GRM7: variants seen among roughly 807,000 people sequenced by gnomAD.
GRM7 encodes glutamate metabotropic receptor 7, also known as metabotropic glutamate receptor 7.
GRM7 carries 35 observed loss-of-function variants against 84.5 expected under a neutral mutation model. That is an observed-to-expected ratio of 0.41 (90% CI 0.32 to 0.55). The LOEUF (loss-of-function observed/expected upper bound fraction) is 0.55. GRM7 is among the 20% of genes least tolerant of loss of function. The pLI is 0.19. For missense variants in GRM7, 1,003 were observed against 1,194.6 expected, an observed-to-expected ratio of 0.84 and a Z score of 2.36; for synonymous variants, 487 against 455.1, an observed-to-expected ratio of 1.07 and a Z score of -0.89.
chr3:7,711,055 A>T (rs1364429379), intron 9 of GRM7, among the ~76,000 whole-genome samples: 1 of 152,206 alleles, frequency 6.6e-6, no homozygotes, highest in Non-Finnish European at 1.5e-5. Flanking sequence ...TGTTTCATTT[A>T]TTCAACCCAT....
intron 1 of GRM7, among the ~76,000 whole-genome samples, chr3:7,038,807 C>G (rs1363826655): frequency 6.6e-6 from 1 of 152,154 alleles, no homozygotes; most frequent in Non-Finnish European, 1.5e-5. Context: ...ATAACGTTTT[C>G]AAGGGGCTTG....
intron 2 of GRM7, among the ~76,000 whole-genome samples, chr3:7,185,509 A>G (rs1559491100): frequency 6.6e-6 from 1 of 152,112 alleles, no homozygotes; most frequent in African/African-American, 2.4e-5. Flanking sequence ...ATCTATATGG[A>G]CCTATTAATT....
intron 4 of GRM7, among the ~76,000 whole-genome samples, chr3:7,359,180 A>G (rs1238222197): frequency 7.0e-6 from 1 of 142,578 alleles, no homozygotes; most frequent in Non-Finnish European, 1.5e-5. Context: ...TTATTTTAAA[A>G]TAACTTCTTT....
chr3:7,180,362 A>T (rs1384337636), intron 2 of GRM7, among the ~76,000 whole-genome samples: 3 of 152,180 alleles, frequency 2.0e-5, no homozygotes, highest in Non-Finnish European at 4.4e-5. Context: ...CAGGAGGCTC[A>T]TACTTCTTAC....
At chr3:7,622,318 A>G (rs1697397810) in intron 8 of GRM7, among the ~76,000 whole-genome samples, 1 of 152,076 alleles carries the variant, frequency 6.6e-6, no homozygotes, top group Non-Finnish European at 1.5e-5. Flanking sequence ...CTATGTTGTG[A>G]TGCCTTTTCT....
At chr3:7,069,709 G>A (rs1420233605) in intron 1 of GRM7, among the ~76,000 whole-genome samples, 1 of 152,054 alleles carries the variant, frequency 6.6e-6, no homozygotes, top group Non-Finnish European at 1.5e-5. Context: ...GTACAGTGTG[G>A]ATTTCTGAAT....
At chr3:7,187,024 G>A (rs1376110073) in intron 2 of GRM7, among the ~76,000 whole-genome samples, 1 of 152,124 alleles carries the variant, frequency 6.6e-6, no homozygotes, top group African/African-American at 2.4e-5. Context: ...GAGGACTCCA[G>A]AGGTTGCAGT....
At chr3:7,160,815 C>T (rs1320641816) in intron 2 of GRM7, among the ~76,000 whole-genome samples, 3 of 152,236 alleles carry the variant, frequency 2.0e-5, no homozygotes, top group Non-Finnish European at 2.9e-5. Flanking sequence ...CATACTTCCT[C>T]TTTCAGAATA....
intron 1 of GRM7, among the ~76,000 whole-genome samples, chr3:6,958,735 T>C (rs951688748): frequency 1.3e-5 from 2 of 152,144 alleles, no homozygotes; most frequent in Non-Finnish European, 2.9e-5. Context: ...TACCCTAAAA[T>C]CCATGACTTT....
chr3:7,327,051 C>T (rs1701017189), intron 4 of GRM7, among the ~76,000 whole-genome samples: 1 of 152,158 alleles, frequency 6.6e-6, no homozygotes, highest in African/African-American at 2.4e-5. Context: ...TGGTGCCTGG[C>T]ACATAACAGG....
In GRM7 at chr3:7,167,624, C is replaced by A. The variant is rs900274850; in HGVS notation, c.736+20956C>A. 3.3e-5 allele frequency among the ~76,000 whole-genome samples: 5 copies of A among 152,024 alleles called. No individual in the cohort carries two copies. The South Asian group carries it at 1.0e-3, about 32-fold the overall frequency. ...CGGAATCTTCTTTCTAGGTTCCAGT[C>A]ATTAAAATGGCTCAACTCCAATGAC... On this transcript the variant is annotated intron_variant, in intron 2 of 9. Transcript: ENST00000357716.
chr3:6,969,733 T>A (rs927505959), intron 1 of GRM7, among the ~76,000 whole-genome samples: 1 of 152,176 alleles, frequency 6.6e-6, no homozygotes, highest in African/African-American at 2.4e-5. Flanking sequence ...CTTAGGAAGT[T>A]AACAATTCCA....
intron 4 of GRM7, among the ~76,000 whole-genome samples, chr3:7,410,645 AACCACC>A (rs1228983813): frequency 1.4e-5 from 2 of 145,080 alleles, no homozygotes; most frequent in African/African-American, 5.5e-5. Flanking sequence ...ATACACACAA[AACCACC>A]ACCACCACAC....
intron 2 of GRM7, among the ~76,000 whole-genome samples, chr3:7,175,593 A>G (rs1695119443): frequency 6.6e-6 from 1 of 152,178 alleles, no homozygotes; most frequent in Non-Finnish European, 1.5e-5. Flanking sequence ...GCTAGAGTGC[A>G]GTGGTGTGAT....
chr3:7,056,381 G>C (rs1402427887), intron 1 of GRM7, among the ~76,000 whole-genome samples: 1 of 151,926 alleles, frequency 6.6e-6, no homozygotes, highest in Non-Finnish European at 1.5e-5. Flanking sequence ...TCAGGTTTCA[G>C]GGTGCCTGGC....
intron 1 of GRM7, among the ~76,000 whole-genome samples, chr3:6,940,372 G>A (rs1057214465): frequency 7.2e-5 from 11 of 152,196 alleles, no homozygotes; most frequent in African/African-American, 2.4e-4. Context: ...TTACAGGAGT[G>A]AACCACTGCG....
chr3:7,335,691 C>T (rs775923609), intron 4 of GRM7, among the ~76,000 whole-genome samples: 5 of 151,664 alleles, frequency 3.3e-5, no homozygotes, highest in Non-Finnish European at 7.4e-5. Flanking sequence ...AGAGAAGATC[C>T]AAATAAGCTC....
At chr3:7,390,809 T>A (rs570645106) in intron 4 of GRM7, among the ~76,000 whole-genome samples, 1 of 152,242 alleles carries the variant, frequency 6.6e-6, no homozygotes, top group East Asian at 1.9e-4. Context: ...GTTGAGTTTT[T>A]TTTTGCCTTC....
intron 2 of GRM7, among the ~76,000 whole-genome samples, chr3:7,250,914 C>T (rs1479186375): frequency 2.6e-5 from 4 of 151,934 alleles, no homozygotes; most frequent in Admixed American, 1.3e-4. Flanking sequence ...AGATCTTGTT[C>T]ACTTATGAGT....
Sources: gnomAD v4.1 joint callset for allele counts (sites outside exome capture counted in the v4.1 genomes callset) on GRCh38, gnomAD v4.1.1 for gene constraint, MANE v1.5 for transcripts, NCBI Gene and HGNC (gene_info 2026-07-23, HGNC 2026-07-21) for gene names.